Variants in CADPS2 observed in about 807,000 individuals in gnomAD.
CADPS2 encodes calcium dependent secretion activator 2.
CADPS2 carries 93 observed loss-of-function variants against 172.5 expected under a neutral mutation model. The ratio of observed to expected loss-of-function variants is 0.54; its 90% confidence interval spans 0.46 to 0.64. The LOEUF (loss-of-function observed/expected upper bound fraction) is 0.64, where lower values mean the gene tolerates loss of function less well. CADPS2 is among the 30% of genes least tolerant of loss of function. The pLI is 0.00. For missense variants in CADPS2, 1,420 were observed against 1,565.9 expected (o/e 0.91, Z 1.57); for synonymous variants, 546 against 555.2 (o/e 0.98, Z 0.23).
chr7:122,575,790 A>C (rs576359110), intron 7 of CADPS2, among the ~76,000 whole-genome samples: 12 of 152,284 alleles, frequency 7.9e-5, no homozygotes. Context: ...AAAATATTTA[A>C]AAGCCTTTTT....
intron 2 of CADPS2, among the ~76,000 whole-genome samples, chr7:122,684,859 G>T (rs1327139914): frequency 6.6e-6 from 1 of 152,042 alleles, no homozygotes; most frequent in Non-Finnish European, 1.5e-5. Flanking sequence ...TAATCCAAGG[G>T]CCTGCTGCAG....
chr7:122,712,508 C>T (rs1350108540), intron 2 of CADPS2, among the ~76,000 whole-genome samples: 1 of 152,130 alleles, frequency 6.6e-6, no homozygotes, highest in African/African-American at 2.4e-5. Flanking sequence ...CAAAAAGGAA[C>T]AATCTCCTGT....
At chr7:122,407,347 C>G (rs2046774229) in intron 20 of CADPS2, among the ~76,000 whole-genome samples, 193 bp downstream of exon 20, 1 of 152,118 alleles carries the variant, frequency 6.6e-6, no homozygotes, top group African/African-American at 2.4e-5. Flanking sequence ...CCTTCAGAGC[C>G]CACTGGAGTG....
At chr7:122,481,162 C>CTTTTTT (rs35352953) in intron 11 of CADPS2, among the ~76,000 whole-genome samples, 23 of 107,544 alleles carry the variant, frequency 2.1e-4, no homozygotes, top group African/African-American at 6.1e-4. Context: ...TTTCTTCATT[C>CTTTTTT]TTTTTTTTTT....
intron 1 of CADPS2, among the ~76,000 whole-genome samples, chr7:122,802,024 G>A (rs1027648028): frequency 1.3e-5 from 2 of 152,020 alleles, no homozygotes; most frequent in African/African-American, 4.8e-5. Context: ...TGTCTAAACA[G>A]TATCACAGCA....
intron 20 of CADPS2, among the ~76,000 whole-genome samples, chr7:122,399,148 C>T (rs1304759825): frequency 6.6e-6 from 1 of 152,076 alleles, no homozygotes; most frequent in Non-Finnish European, 1.5e-5. Flanking sequence ...TAGAACACAG[C>T]TGTTAAAATG....
At chr7:122,468,322 G>A (rs1229504937) in intron 14 of CADPS2, among the ~76,000 whole-genome samples, 3 of 152,158 alleles carry the variant, frequency 2.0e-5, no homozygotes, top group African/African-American at 7.2e-5. Context: ...GACATTGACA[G>A]TATGTTTAAA....
chr7:122,680,524 G>A (rs568260080), intron 2 of CADPS2, among the ~76,000 whole-genome samples: 1 of 152,128 alleles, frequency 6.6e-6, no homozygotes, highest in Non-Finnish European at 1.5e-5. Context: ...GACCAGCCTG[G>A]CCAACATGGC....
At chr7:122,436,505 A>G (rs955836504) in intron 17 of CADPS2, 1 of 302,588 alleles carries the variant, frequency 3.3e-6, no homozygotes, top group Non-Finnish European at 5.8e-6. Flanking sequence ...AGGATAAAAC[A>G]TAAATACTTT....
intron 1 of CADPS2, among the ~76,000 whole-genome samples, chr7:122,877,265 A>G (rs1821450257): frequency 6.6e-6 from 1 of 152,212 alleles, no homozygotes; most frequent in Non-Finnish European, 1.5e-5. Context: ...GAAAAAGGAT[A>G]AACAAAGAAT....
At chr7:122,670,055 T>A (rs1437087072) in intron 2 of CADPS2, among the ~76,000 whole-genome samples, 1 of 151,844 alleles carries the variant, frequency 6.6e-6, no homozygotes, top group African/African-American at 2.4e-5. Context: ...CCCATGACGG[T>A]TCTCCCTCCC....
intron 8 of CADPS2, among the ~76,000 whole-genome samples, chr7:122,527,582 TAGAGAGAG>T (rs35881192): frequency 1.9e-3 from 173 of 91,764 alleles, no homozygotes; most frequent in Non-Finnish European, 3.0e-3. Flanking sequence ...TAATACTGAA[TAGAGAGAG>T]AGAGAGAGAG....
At chr7:122,711,982 T>C (rs1257645811) in intron 2 of CADPS2, among the ~76,000 whole-genome samples, 1 of 152,104 alleles carries the variant, frequency 6.6e-6, no homozygotes. Context: ...AAACATATTT[T>C]GCAGTTAAAA....
chr7:122,784,409 A>C (rs567557665), intron 1 of CADPS2, among the ~76,000 whole-genome samples: 8 of 152,340 alleles, frequency 5.3e-5, no homozygotes, highest in Non-Finnish European at 1.2e-4. Context: ...TCATGTGTTA[A>C]GATTTACTGT....
At chr7:122,814,947 A>C (rs1243435548) in intron 1 of CADPS2, among the ~76,000 whole-genome samples, 1 of 152,112 alleles carries the variant, frequency 6.6e-6, no homozygotes, top group African/African-American at 2.4e-5. Context: ...TCTGTTTACT[A>C]TAACAAGCTG....
chr7:122,586,442 C>A (rs989771100), intron 6 of CADPS2, among the ~76,000 whole-genome samples: 2 of 151,898 alleles, frequency 1.3e-5, no homozygotes, highest in African/African-American at 2.4e-5. Context: ...TATGAAATGA[C>A]AGTTTTAATT....
intron 9 of CADPS2, among the ~76,000 whole-genome samples, chr7:122,492,300 A>T (rs2058366965): frequency 6.6e-6 from 1 of 152,152 alleles, no homozygotes; most frequent in South Asian, 2.1e-4. Flanking sequence ...GATGGAGTAA[A>T]TTTTGGGCAG....
intron 1 of CADPS2, among the ~76,000 whole-genome samples, chr7:122,809,719 G>A (rs977579807): frequency 1.5e-4 from 23 of 152,138 alleles, no homozygotes; most frequent in African/African-American, 5.3e-4. Flanking sequence ...CAACTCCTGT[G>A]GGAAATAATG....
chr7:122,408,683 T>A (rs938764213), intron 19 of CADPS2, among the ~76,000 whole-genome samples: 2 of 152,204 alleles, frequency 1.3e-5, no homozygotes, highest in African/African-American at 4.8e-5. Context: ...GGCCTTGGCC[T>A]CTCAGAGTGC....
Sources: gnomAD v4.1 joint callset for allele counts (sites outside exome capture counted in the v4.1 genomes callset) on GRCh38, gnomAD v4.1.1 for gene constraint, MANE v1.5 for transcripts, NCBI Gene and HGNC (gene_info 2026-07-23, HGNC 2026-07-21) for gene names.